Variants in METTL25 observed in about 807,000 individuals in gnomAD.
METTL25 encodes probable methyltransferase-like protein 25.
A neutral mutation model predicts 71.6 loss-of-function variants in METTL25; 64 were observed. The ratio of observed to expected loss-of-function variants is 0.89; its 90% CI spans 0.73 to 1.10. METTL25 has a LOEUF of 1.10. Among genes scored for constraint, METTL25 ranks in the 50% least tolerant of loss-of-function variants. METTL25 has a pLI of 0.00. For missense variants in METTL25, 807 were observed against 707.0 expected (o/e 1.14, Z -1.60); for synonymous variants, 287 against 250.3 (o/e 1.15, Z -1.38).
rs1881300543 is a variant in METTL25, at chr12:82,358,679, C to T, written c.114C>T (p.Thr38=). 1.9e-6 allele frequency: 3 copies of T among 1,614,076 alleles called. No individual in the cohort carries two copies. Among genetic ancestry groups the T allele is most frequent in the Middle Eastern group, 1.6e-4 (1 of 6,084 alleles). ...RDALSISNAH[T]VDFYTESVWE... is the part of the protein sequence containing the mutation. Reference sequence around the variant, plus strand: ...CCCTGTCCATTTCCAATGCACATACCGTGGATTTCTACACAGAATCCGTGT... The same window carrying T: ...CCCTGTCCATTTCCAATGCACATACTGTGGATTTCTACACAGAATCCGTGT... The change falls in exon 1 of 12, where the codon ACC becomes ACT. Residue 38 remains threonine (T), a synonymous_variant. Transcript: ENST00000248306.
chr12:82,463,070 GT>G (rs1347755727), intron 9 of METTL25, among the ~76,000 whole-genome samples: 2 of 151,918 alleles, frequency 1.3e-5, no homozygotes, highest in Non-Finnish European at 2.9e-5. Flanking sequence ...ATTCCTTTGT[GT>G]TGGGGACATT....
At position 82,421,053 on chromosome 12, in the gene METTL25, G is replaced by C. The variant is rs556141753; in HGVS notation, c.1280-9840G>C. Among the ~76,000 whole-genome samples the C allele has an allele frequency of 9.3e-4, 141 of 152,156 alleles. 1 individual carries two copies. Among genetic ancestry groups the C allele is most frequent in the African/African-American group, 3.3e-3 (135 of 41,528 alleles). The stretch of plus-strand genomic sequence containing the variant: ...ATTTTTAAATTTTTAGTACAGACGG[G>C]GTTTCGCCATGTTGGCCAGGCTGGT... On this transcript the variant is annotated intron_variant, in intron 5 of 11. Transcript: ENST00000248306.
At chr12:82,443,591 TA>T (rs946426755) in intron 8 of METTL25, among the ~76,000 whole-genome samples, 3 of 152,168 alleles carry the variant, frequency 2.0e-5, no homozygotes, top group African/African-American at 7.2e-5. Flanking sequence ...CTGAGTAATT[TA>T]TAAAGAAAAG....
At chr12:82,473,466 G>A (rs1236931120) in intron 9 of METTL25, among the ~76,000 whole-genome samples, 2 of 152,098 alleles carry the variant, frequency 1.3e-5, no homozygotes, top group East Asian at 3.9e-4. Context: ...TTGGAGGCTT[G>A]TATACTGGGG....
intron 5 of METTL25, among the ~76,000 whole-genome samples, chr12:82,405,666 G>A (rs1256361539): frequency 2.6e-5 from 4 of 152,124 alleles, no homozygotes; most frequent in African/African-American, 4.8e-5. Flanking sequence ...AATTTGAATA[G>A]GGCATGTTAG....
intron 8 of METTL25, among the ~76,000 whole-genome samples, chr12:82,450,099 G>T (rs1166232293): frequency 6.6e-6 from 1 of 152,042 alleles, no homozygotes; most frequent in Non-Finnish European, 1.5e-5. Flanking sequence ...GAAAGACTCA[G>T]AATATACTCA....
intron 5 of METTL25, among the ~76,000 whole-genome samples, chr12:82,412,767 A>G (rs1320702360): frequency 6.6e-6 from 1 of 152,010 alleles, no homozygotes. Context: ...TGTCCTTTTA[A>G]GTTTGTTCCT....
At position 82,438,888 on chromosome 12, in the gene METTL25, G is replaced by C. The variant is rs1325034420; in HGVS notation, c.1478+97G>C. On this transcript the variant is annotated intron_variant, in intron 8 of 11. Transcript: ENST00000248306. Reference sequence around the variant, plus strand: ...AATTTATGCAGGGTCACTGTTATTAGTAGAAGCAACTTTGAATTTGAGCAT... The same window carrying C: ...AATTTATGCAGGGTCACTGTTATTACTAGAAGCAACTTTGAATTTGAGCAT... 3 of 1,158,918 alleles carry C rather than the reference G, an allele frequency of 2.6e-6. No homozygotes were observed. In the African/African-American group the frequency reaches 4.8e-5, roughly 19 times the overall value. The allele number at this position is 1,158,918 out of a possible 1,614,324, so 71.8% of individuals were successfully genotyped here.
intron 2 of METTL25, 36 bp downstream of exon 2, chr12:82,387,003 A>G: frequency 6.5e-7 from 1 of 1,547,700 alleles, no homozygotes. Flanking sequence ...TGTGCTTTTT[A>G]GGTACTTAGA....
intron 8 of METTL25, among the ~76,000 whole-genome samples, chr12:82,441,255 A>G (rs1213475815): frequency 6.6e-6 from 1 of 151,362 alleles, no homozygotes; most frequent in African/African-American, 2.4e-5. Context: ...TCTGGACAAA[A>G]TAATGTAAAT....
At chr12:82,471,438 G>C (rs1892562652) in intron 9 of METTL25, among the ~76,000 whole-genome samples, 1 of 152,172 alleles carries the variant, frequency 6.6e-6, no homozygotes, top group Non-Finnish European at 1.5e-5. Context: ...TGGGAATATG[G>C]TTGGCTTTGT....
At chr12:82,450,153 A>G (rs1271346451) in intron 8 of METTL25, among the ~76,000 whole-genome samples, 1 of 151,276 alleles carries the variant, frequency 6.6e-6, no homozygotes, top group Non-Finnish European at 1.5e-5. Context: ...CTGATTTCTC[A>G]TTTTCAAACC....
intron 1 of METTL25, among the ~76,000 whole-genome samples, chr12:82,376,319 C>T (rs1430074264): frequency 6.6e-6 from 1 of 152,194 alleles, no homozygotes; most frequent in African/African-American, 2.4e-5. Context: ...ATGTACATCT[C>T]TCAATCATTG....
chr12:82,479,182 T>G lies in METTL25; in HGVS notation c.*158T>G. The G allele has an allele frequency of 1.9e-6, 1 of 532,962 alleles. No homozygotes were observed. Among genetic ancestry groups the G allele is most frequent in the Non-Finnish European group, 3.3e-6 (1 of 301,516 alleles). The allele number at this position is 532,962 out of a possible 1,614,324, so 33.0% of individuals were successfully genotyped here. A position where few individuals can be genotyped will look rare whatever the true frequency, so the allele number is the denominator to read the frequency against. ...GCTAACAACAGAAGGTTATAATCCATTTTTCCATTGTCAAAGCATACATTA... is the reference window on the plus strand; with the variant it reads ...GCTAACAACAGAAGGTTATAATCCAGTTTTCCATTGTCAAAGCATACATTA... On this transcript the variant is annotated 3_prime_UTR_variant, in exon 12 of 12. Coordinates refer to ENST00000248306, the MANE Select transcript of METTL25 (RefSeq NM_032230.3).
At chr12:82,451,909 C>T (rs1241074328) in intron 8 of METTL25, among the ~76,000 whole-genome samples, 7 of 152,000 alleles carry the variant, frequency 4.6e-5, no homozygotes, top group Non-Finnish European at 1.0e-4. Context: ...CTTAGGAACA[C>T]AGTGTGACAT....
At chr12:82,434,829 T>C in intron 7 of METTL25, 105 bp downstream of exon 7, 1 of 920,762 alleles carries the variant, frequency 1.1e-6, no homozygotes, top group African/African-American at 1.6e-5. Context: ...AATAAATATC[T>C]TGTCCCAGAT....
chr12:82,386,678 A>G (rs1211014760), intron 1 of METTL25, 125 bp from the exon 2 acceptor site: 1 of 800,810 alleles, frequency 1.2e-6, no homozygotes, highest in Non-Finnish European at 1.9e-6. Context: ...TATTGCCAAA[A>G]TTCACAACAA....
At chr12:82,406,664 AT>A (rs1442120489) in intron 5 of METTL25, among the ~76,000 whole-genome samples, 1 of 152,200 alleles carries the variant, frequency 6.6e-6, no homozygotes, top group African/African-American at 2.4e-5. Flanking sequence ...AACATAAAAT[AT>A]GGCACTAGTG....
intron 1 of METTL25, among the ~76,000 whole-genome samples, chr12:82,362,041 G>A (rs1333451156): frequency 2.6e-5 from 4 of 152,180 alleles, no homozygotes; most frequent in Non-Finnish European, 5.9e-5. Context: ...GCACAGTTTG[G>A]AAAAGCACAC....
Sources: gnomAD v4.1 joint callset for allele counts (sites outside exome capture counted in the v4.1 genomes callset) on GRCh38, gnomAD v4.1.1 for gene constraint, MANE v1.5 for transcripts, NCBI Gene and HGNC (gene_info 2026-07-23, HGNC 2026-07-21) for gene names.